Variants in AK5 observed in about 807,000 individuals in gnomAD.
AK5 encodes the protein adenylate kinase 5, also known as adenylate kinase isoenzyme 5.
A neutral mutation model predicts 69.5 loss-of-function variants in AK5; 27 were observed. That is an observed-to-expected ratio of 0.39 (90% CI 0.29 to 0.54). The LOEUF (loss-of-function observed/expected upper bound fraction) is 0.54. Ranked by LOEUF, AK5 falls within the 20% of genes least tolerant of loss-of-function variation. The probability of loss-of-function intolerance (pLI) is 0.71; values close to 1 mark genes in which losing one functional copy is unlikely to be tolerated. For synonymous variants in AK5, 260 were observed against 244.4 expected (o/e 1.06, Z -0.60); for missense variants, 531 against 700.4 (o/e 0.76, Z 2.73).
At chr1:77,533,979 GA>G (rs1293697970) in intron 12 of AK5, among the ~76,000 whole-genome samples, 1 of 151,282 alleles carries the variant, frequency 6.6e-6, no homozygotes, top group African/African-American at 2.4e-5. Flanking sequence ...AATACAGACA[GA>G]AAAGTCGCAT....
chr1:77,282,191 G>C lies in AK5; in HGVS notation c.-123G>C. The C allele has an allele frequency of 2.3e-6, 2 of 859,130 alleles. No individual in the cohort carries two copies. The highest frequency in any genetic ancestry group is 1.7e-6 in the Non-Finnish European group (1 of 580,722). The allele number at this position is 859,130 out of a possible 1,614,324, so 53.2% of individuals were successfully genotyped here. A position where few individuals can be genotyped will look rare whatever the true frequency, so the allele number is the denominator to read the frequency against. ...GGCGGAGAGGCTGAGCTGAGTGCGCGTGAGAAAGAGGGCTGCACCGCTGCT... is the reference window on the plus strand; with the variant it reads ...GGCGGAGAGGCTGAGCTGAGTGCGCCTGAGAAAGAGGGCTGCACCGCTGCT... On this transcript the variant is annotated 5_prime_UTR_variant, in exon 1 of 14. Transcript: ENST00000354567.
chr1:77,445,833 C>T (rs948888520), intron 8 of AK5, among the ~76,000 whole-genome samples: 1 of 152,214 alleles, frequency 6.6e-6, no homozygotes, highest in African/African-American at 2.4e-5. Context: ...GATCCACCTT[C>T]CTCGGCCTCC....
intron 13 of AK5, among the ~76,000 whole-genome samples, chr1:77,539,628 G>T (rs1014040104): frequency 6.6e-6 from 1 of 152,210 alleles, no homozygotes; most frequent in Non-Finnish European, 1.5e-5. Context: ...CAAGAGCGGG[G>T]ACTGCAGGAG....
chr1:77,489,606 T>C (rs972063273), intron 10 of AK5, among the ~76,000 whole-genome samples: 1 of 152,234 alleles, frequency 6.6e-6, no homozygotes, highest in Non-Finnish European at 1.5e-5. Flanking sequence ...TTTGAGAAGA[T>C]GACTGGATTG....
intron 5 of AK5, among the ~76,000 whole-genome samples, chr1:77,306,494 G>GTTTTTTTTTTTTTTTTTTTTTTTTTT (rs869202567): frequency 8.3e-6 from 1 of 120,366 alleles, no homozygotes; most frequent in Non-Finnish European, 1.7e-5. Flanking sequence ...GTTTTTTTTT[G>GTTTTTTTTTTTTTTTTTTTTTTTTTT]TTTTTTTTTT....
chr1:77,417,555 T>G, intron 7 of AK5, 84 bp from the exon 8 acceptor site: 2 of 810,870 alleles, frequency 2.5e-6, no homozygotes, highest in Non-Finnish European at 4.2e-6. Flanking sequence ...TATAGGAAAA[T>G]ATGGAAACCT....
At chr1:77,338,244 T>C (rs1661472340) in intron 5 of AK5, among the ~76,000 whole-genome samples, 1 of 152,200 alleles carries the variant, frequency 6.6e-6, no homozygotes, top group African/African-American at 2.4e-5. Context: ...ATTACAGGCA[T>C]GAGCCAATGC....
intron 5 of AK5, among the ~76,000 whole-genome samples, chr1:77,303,500 C>T (rs1182946878): frequency 6.6e-6 from 1 of 152,216 alleles, no homozygotes; most frequent in Non-Finnish European, 1.5e-5. Flanking sequence ...TTGCAAATCT[C>T]TTTAACTTCT....
chr1:77,461,667 G>C (rs1290605579), intron 8 of AK5, among the ~76,000 whole-genome samples: 1 of 151,834 alleles, frequency 6.6e-6, no homozygotes, highest in Non-Finnish European at 1.5e-5. Context: ...CTACTCAGGA[G>C]GCTGAGGCAG....
chr1:77,535,753 A>C, intron 12 of AK5, 94 bp from the exon 13 acceptor site: 1 of 1,146,002 alleles, frequency 8.7e-7, no homozygotes, highest in Non-Finnish European at 1.2e-6. Flanking sequence ...GGGAACCAGA[A>C]GGCCAAGAAA....
intron 12 of AK5, among the ~76,000 whole-genome samples, chr1:77,531,841 G>A (rs1464769387): frequency 2.2e-5 from 3 of 135,316 alleles, no homozygotes; most frequent in Non-Finnish European, 4.8e-5. Context: ...CCGCGCAGGA[G>A]ACCAGGGGGA....
chr1:77,394,355 G>A (rs112085049), intron 6 of AK5, among the ~76,000 whole-genome samples: 2,891 of 152,216 alleles, frequency 0.019, 93 homozygotes, highest in African/African-American at 0.066. Flanking sequence ...AATATTGTGG[G>A]CTCAAATTCT....
chr1:77,367,400 C>A (rs1041896224), intron 6 of AK5, among the ~76,000 whole-genome samples: 1 of 149,860 alleles, frequency 6.7e-6, no homozygotes, highest in Admixed American at 6.7e-5. Context: ...GCAACCATGG[C>A]CCACTGAGAC....
chr1:77,327,250 G>A (rs1315437309), intron 5 of AK5, among the ~76,000 whole-genome samples: 2 of 151,950 alleles, frequency 1.3e-5, no homozygotes, highest in Non-Finnish European at 2.9e-5. Context: ...AAATAAACTG[G>A]GCATGGTGGC....
intron 8 of AK5, among the ~76,000 whole-genome samples, chr1:77,475,425 T>TA (rs1553154948): frequency 3.8e-4 from 1 of 2,650 alleles, no homozygotes; most frequent in African/African-American, 7.3e-4. Context: ...ATACTATATA[T>TA]TATATATATG....
intron 6 of AK5, among the ~76,000 whole-genome samples, chr1:77,368,289 A>G (rs1326282763): frequency 1.7e-5 from 2 of 120,186 alleles, no homozygotes; most frequent in Non-Finnish European, 3.3e-5. Context: ...TATGTTATAT[A>G]TATGTTATAT....
At chr1:77,449,789 T>C (rs914530085) in intron 8 of AK5, among the ~76,000 whole-genome samples, 33 of 152,150 alleles carry the variant, frequency 2.2e-4, no homozygotes, top group African/African-American at 7.5e-4. Context: ...CTGGAGACAT[T>C]TTCCCCATTG....
At chr1:77,306,875 G>A (rs766650361) in intron 5 of AK5, among the ~76,000 whole-genome samples, 32 of 152,016 alleles carry the variant, frequency 2.1e-4, no homozygotes, top group Non-Finnish European at 3.1e-4. Context: ...ATTTATTGGC[G>A]TATAGCTGCT....
At chr1:77,404,145 A>G (rs1649453332) in intron 6 of AK5, among the ~76,000 whole-genome samples, 1 of 152,164 alleles carries the variant, frequency 6.6e-6, no homozygotes, top group Admixed American at 6.6e-5. Context: ...AAACATCACT[A>G]TTTCAATTTC....
Sources: allele counts gnomAD v4.1 joint callset (sites outside exome capture counted in the v4.1 genomes callset), GRCh38; gene constraint gnomAD v4.1.1; transcripts MANE v1.5; gene names NCBI Gene and HGNC (gene_info 2026-07-23, HGNC 2026-07-21).